The following RIPOR2 variants were observed in gnomAD, a reference collection of about 807,000 sequenced individuals.
RIPOR2 encodes RHO family interacting cell polarization regulator 2.
Under a neutral mutation model 114.5 loss-of-function variants are expected in RIPOR2, and 39 were observed. The observed-to-expected ratio is 0.34, with a 90% confidence interval of 0.26 to 0.44. The LOEUF (loss-of-function observed/expected upper bound fraction) is 0.44, where lower values mean the gene tolerates loss of function less well. RIPOR2 is among the 20% of genes least tolerant of loss of function. The pLI is 1.00. For synonymous variants in RIPOR2, 445 were observed against 484.4 expected (o/e 0.92, Z 1.07); for missense variants, 1,007 against 1,255.1 (o/e 0.80, Z 2.99).
At chr6:24,911,658 A>G (rs1769615053) in intron 1 of RIPOR2, among the ~76,000 whole-genome samples, 1 of 152,140 alleles carries the variant, frequency 6.6e-6, no homozygotes, top group Non-Finnish European at 1.5e-5. Flanking sequence ...TGAATGATAA[A>G]GGTTTCCTGT....
At chr6:25,005,700 T>TATATAG in intron 1 of RIPOR2, among the ~76,000 whole-genome samples, 1 of 37,432 alleles carries the variant, frequency 2.7e-5, no homozygotes, top group East Asian at 6.5e-4. Context: ...TGGAGATATA[T>TATATAG]ATATATATAT....
chr6:24,845,293 AC>A (rs923587185), intron 12 of RIPOR2, among the ~76,000 whole-genome samples: 27 of 151,794 alleles, frequency 1.8e-4, no homozygotes, highest in Admixed American at 5.9e-4. Flanking sequence ...CCGTATTTGC[AC>A]CCCCCACCTC....
At chr6:24,973,690 A>G (rs962767409) in intron 1 of RIPOR2, among the ~76,000 whole-genome samples, 1 of 152,152 alleles carries the variant, frequency 6.6e-6, no homozygotes, top group African/African-American at 2.4e-5. Flanking sequence ...CATGGAATCA[A>G]TCTAGGTGCC....
chr6:24,950,475 G>T (rs1772693888), intron 1 of RIPOR2, among the ~76,000 whole-genome samples: 2 of 152,084 alleles, frequency 1.3e-5, no homozygotes. Flanking sequence ...GACAATAAAG[G>T]CACATTTTCC....
At chr6:24,827,369 G>C (rs1760285378) in intron 18 of RIPOR2, among the ~76,000 whole-genome samples, 1 of 152,200 alleles carries the variant, frequency 6.6e-6, no homozygotes, top group African/African-American at 2.4e-5. Context: ...GTTCTGGAGA[G>C]AGAAGGGGTA....
intron 1 of RIPOR2, among the ~76,000 whole-genome samples, chr6:24,960,825 T>C (rs962881203): frequency 1.3e-5 from 2 of 152,130 alleles, no homozygotes; most frequent in Non-Finnish European, 2.9e-5. Flanking sequence ...CCACTGTGCC[T>C]GGCCTCAACA....
intron 1 of RIPOR2, among the ~76,000 whole-genome samples, chr6:24,980,713 G>A (rs1774251089): frequency 6.6e-6 from 1 of 152,214 alleles, no homozygotes; most frequent in Non-Finnish European, 1.5e-5. Context: ...CAAGTGTGTT[G>A]TGGAGTCACA....
intron 1 of RIPOR2, among the ~76,000 whole-genome samples, chr6:24,992,425 C>A (rs1430173740): frequency 6.6e-6 from 1 of 152,144 alleles, no homozygotes; most frequent in Non-Finnish European, 1.5e-5. Flanking sequence ...TATACACTAG[C>A]AACAGCCAAA....
chr6:24,876,898 C>T, intron 1 of RIPOR2: 1 of 888,492 alleles, frequency 1.1e-6, no homozygotes, highest in Non-Finnish European at 1.3e-6. Flanking sequence ...GATGACCCTG[C>T]AACTGTTAGG....
chr6:24,948,423 A>G (rs1772561869), intron 1 of RIPOR2: 1 of 152,288 alleles, frequency 6.6e-6, no homozygotes, highest in Admixed American at 6.5e-5. Context: ...ACCTCTGAGC[A>G]TTAGGATGAT....
chr6:24,931,944 T>C (rs11760083), intron 1 of RIPOR2: 20,684 of 152,272 alleles, frequency 0.14, 1,810 homozygotes, highest in South Asian at 0.23. Flanking sequence ...TGTTCTGTTC[T>C]TGAAAGCAGG....
intron 1 of RIPOR2, among the ~76,000 whole-genome samples, chr6:24,913,919 C>A (rs1769866851): frequency 6.6e-6 from 1 of 152,138 alleles, no homozygotes; most frequent in East Asian, 1.9e-4. Flanking sequence ...TCCTCACCCC[C>A]ACCCATGAGA....
At chr6:24,841,320 C>T (rs185132726) in intron 13 of RIPOR2, among the ~76,000 whole-genome samples, 236 of 152,202 alleles carry the variant, frequency 1.6e-3, no homozygotes, top group African/African-American at 5.5e-3. Context: ...TAGTAGAATA[C>T]CAGACAAGCA....
At chr6:24,920,501 C>G (rs1344900282) in intron 1 of RIPOR2, among the ~76,000 whole-genome samples, 1 of 152,130 alleles carries the variant, frequency 6.6e-6, no homozygotes, top group Non-Finnish European at 1.5e-5. Flanking sequence ...GTGTTCTGAA[C>G]AGTTTGCATT....
intron 1 of RIPOR2, among the ~76,000 whole-genome samples, chr6:24,887,653 G>A (rs1433450454): frequency 6.6e-6 from 1 of 152,182 alleles, no homozygotes; most frequent in African/African-American, 2.4e-5. Context: ...TCAAAGCAAT[G>A]ACAGCAGAGT....
intron 13 of RIPOR2, chr6:24,840,092 G>A: frequency 1.5e-6 from 1 of 686,348 alleles, no homozygotes; most frequent in Non-Finnish European, 1.8e-6. Context: ...TGAGACCACA[G>A]GCATGTGCCA....
At chr6:24,943,567 A>G (rs1772251512) in intron 1 of RIPOR2, among the ~76,000 whole-genome samples, 1 of 152,220 alleles carries the variant, frequency 6.6e-6, no homozygotes, top group African/African-American at 2.4e-5. Context: ...CTTTTGCAGA[A>G]GGCTGGAAAT....
At chr6:24,855,906 C>T (rs981807782) in intron 8 of RIPOR2, among the ~76,000 whole-genome samples, 7 of 151,976 alleles carry the variant, frequency 4.6e-5, no homozygotes, top group Non-Finnish European at 7.4e-5. Flanking sequence ...TGGTGGCGTG[C>T]GCCCGTGGTC....
intron 1 of RIPOR2, among the ~76,000 whole-genome samples, chr6:25,025,552 GA>G (rs1776573823): frequency 6.6e-6 from 1 of 152,040 alleles, no homozygotes; most frequent in Admixed American, 6.5e-5. Flanking sequence ...CTTAAAAAGA[GA>G]AAAACAAAAG....
Sources: gnomAD v4.1 joint callset for allele counts (sites outside exome capture counted in the v4.1 genomes callset) on GRCh38, gnomAD v4.1.1 for gene constraint, MANE v1.5 for transcripts, NCBI Gene and HGNC (gene_info 2026-07-23, HGNC 2026-07-21) for gene names.